ETV7: variants seen among roughly 807,000 people sequenced by gnomAD.
ETV7 encodes ETS variant transcription factor 7.
ETV7 carries 43 observed loss-of-function variants against 39.1 expected under a neutral mutation model. That is an observed-to-expected ratio of 1.10 (90% confidence interval 0.86 to 1.42). ETV7 has a LOEUF of 1.42. Ranked by LOEUF, ETV7 falls within the 40% of genes most tolerant of loss-of-function variation. The pLI is 0.00. For missense variants in ETV7, 432 were observed against 442.3 expected (o/e 0.98, Z 0.21); for synonymous variants, 196 against 176.6 (o/e 1.11, Z -0.87).
At chr6:36,369,189 G>A in intron 5 of ETV7, 118 bp from the exon 6 acceptor site, 1 of 1,159,872 alleles carries the variant, frequency 8.6e-7, no homozygotes, top group Non-Finnish European at 1.2e-6. Context: ...CAGCAGGAAG[G>A]TGAAAATGAT....
Position 36,366,592 on chromosome 6 carries a change from G to A in ETV7, c.*53C>T. Reference sequence around the variant, plus strand: ...CTGGGAGGAGGAGTCTGCCTTCATGGGAGACTCGGTCCCTGCCCCATCGGT... The same window carrying A: ...CTGGGAGGAGGAGTCTGCCTTCATGAGAGACTCGGTCCCTGCCCCATCGGT... On this transcript the variant is annotated 3_prime_UTR_variant, in exon 8 of 8. Transcript: ENST00000340181. 1 of 1,612,066 alleles carries A rather than the reference G, an allele frequency of 6.2e-7. No homozygotes were observed. The highest frequency in any genetic ancestry group is 1.7e-5 in the Admixed American group (1 of 59,950).
At chr6:36,373,430 A>C (rs1242589449) in intron 4 of ETV7, 23 bp downstream of exon 4, 1 of 1,515,854 alleles carries the variant, frequency 6.6e-7, no homozygotes, top group Non-Finnish European at 8.8e-7. Flanking sequence ...AGGTACTCCG[A>C]GCACCACAGA....
In ETV7 at chr6:36,366,668, T is replaced by A. The variant is rs765267388; in HGVS notation, c.1003A>T (p.Lys335Ter). The A allele has an allele frequency of 1.2e-6, 2 of 1,614,052 alleles. No individual in the cohort carries two copies. Among genetic ancestry groups the A allele is most frequent in the Admixed American group, 3.3e-5 (2 of 60,008 alleles). Residue 335 changes from lysine to a stop codon, truncating the protein, a stop_gained, in exon 8 of 8, where the codon AAG becomes TAG. Coordinates refer to ENST00000340181, the MANE Select transcript of ETV7 (RefSeq NM_016135.4). LOFTEE classifies it high-confidence loss of function. ...CCTCACGGAGAGATTTCTGGCCTCT[T>A]GTCCTTGAACTCTATTCTGTCCTGC... ...QEQDRIEFKD[K>*]RPEISP is the part of the protein sequence containing the mutation.
intron 2 of ETV7, among the ~76,000 whole-genome samples, chr6:36,378,240 G>A (rs7768939): frequency 0.42 from 59,251 of 140,238 alleles, 13,165 homozygotes; most frequent in Non-Finnish European, 0.51. Flanking sequence ...ATCTAATATG[G>A]AAAAAAAAAA....
downstream of ETV7, among the ~76,000 whole-genome samples, chr6:36,364,571 C>T (rs377681129): frequency 4.6e-5 from 7 of 152,364 alleles, no homozygotes; most frequent in East Asian, 3.9e-4. Flanking sequence ...TCAGCTGGCC[C>T]GCAAGCGCCG....
rs1773383341 is a variant in ETV7 at position 36,376,759 on chromosome 6, G to C, written c.143-724C>G. ...CGACTGCACTCCAGCCTGGGCGACAGAGCGAGACTCCCTCTAAAGAAAAAA... is the reference window on the plus strand; with the variant it reads ...CGACTGCACTCCAGCCTGGGCGACACAGCGAGACTCCCTCTAAAGAAAAAA... On this transcript the variant is annotated intron_variant, in intron 2 of 7. Transcript: ENST00000340181. Among the ~76,000 whole-genome samples, 3 of 145,902 alleles carry C rather than the reference G, an allele frequency of 2.1e-5. No homozygotes were observed. In the Admixed American group the frequency reaches 2.1e-4, roughly 10 times the overall value.
In ETV7 at chr6:36,366,580, T is replaced by C; in HGVS notation, c.*65A>G. 6.2e-7 allele frequency: 1 copy of C among 1,607,746 alleles called. No individual in the cohort carries two copies. The highest frequency in any genetic ancestry group is 8.5e-7 in the Non-Finnish European group (1 of 1,176,322). On this transcript the variant is annotated 3_prime_UTR_variant, in exon 8 of 8. Transcript: ENST00000340181. ...CCTGCTGCTCTGCTGGGAGGAGGAG[T>C]CTGCCTTCATGGGAGACTCGGTCCC...
At position 36,373,324 on chromosome 6, in the gene ETV7, G is replaced by A. The variant is rs1773130271; in HGVS notation, c.433+129C>T. ...CAGGAACGCCCCAGAGCAGGAGGTG[G>A]GGGTGGGGCGGGAGGGGAGCTTGCC... is the stretch of plus-strand genomic sequence containing the variant. On this transcript the variant is annotated intron_variant, in intron 4 of 7. Coordinates refer to ENST00000340181, the MANE Select transcript of ETV7 (RefSeq NM_016135.4). 6 of 1,148,070 alleles carry A rather than the reference G, an allele frequency of 5.2e-6. No homozygotes were observed. In the South Asian group the frequency reaches 1.1e-4, roughly 22 times the overall value. The allele number at this position is 1,148,070 out of a possible 1,614,324, so 71.1% of individuals were successfully genotyped here.
chr6:36,379,781 C>T lies in ETV7; in HGVS notation c.143-3746G>A, dbSNP rs147365775. On this transcript the variant is annotated intron_variant, in intron 2 of 7. Coordinates refer to ENST00000340181, the MANE Select transcript of ETV7 (RefSeq NM_016135.4). ...ATCCCAACTACTTGGGAGGCTGAGA[C>T]GGGAGAATCACTTGAACCCCAGAGG... is the stretch of plus-strand genomic sequence containing the variant. Among the ~76,000 whole-genome samples, 1,393 of 149,502 alleles carry T rather than the reference C, an allele frequency of 9.3e-3. 9 individuals carry two copies. Among genetic ancestry groups the T allele is most frequent in the Non-Finnish European group, 0.015 (1,011 of 67,568 alleles).
In ETV7 at chr6:36,371,335, A is replaced by T; in HGVS notation, c.659T>A (p.Ile220Asn). 6.3e-7 allele frequency: 1 copy of T among 1,584,604 alleles called. No individual in the cohort carries two copies. The highest frequency in any genetic ancestry group is 1.7e-4 in the Middle Eastern group (1 of 6,028). The change falls in exon 5 of 8, where the codon ATC becomes AAC. Residue 220 changes from isoleucine (I) to asparagine (N), a missense_variant. Transcript: ENST00000340181. ...AMPQAPIDGR[I>N]ADCRLLWDYV... is the part of the protein sequence containing the mutation. ...AGGAACAGCCTCCCACTCACCAGCGATCCTGCCGTCAATGGGGGCCTGCGG... is the reference window on the plus strand; with the variant it reads ...AGGAACAGCCTCCCACTCACCAGCGTTCCTGCCGTCAATGGGGGCCTGCGG...
intron 5 of ETV7, 48 bp from the exon 6 acceptor site, chr6:36,369,119 G>C: frequency 6.2e-7 from 1 of 1,608,424 alleles, no homozygotes. Flanking sequence ...TACTGGAGCT[G>C]TGAGGACAGG....
At chr6:36,383,159 C>G (rs1446603226) in intron 2 of ETV7, among the ~76,000 whole-genome samples, 2 of 152,198 alleles carry the variant, frequency 1.3e-5, no homozygotes, top group East Asian at 3.8e-4. Context: ...GCAGCTGCGT[C>G]CCCCCATAGC....
chr6:36,373,029 T>C (rs921642718), intron 4 of ETV7, among the ~76,000 whole-genome samples: 1 of 151,352 alleles, frequency 6.6e-6, no homozygotes, highest in Non-Finnish European at 1.5e-5. Flanking sequence ...GAGTGGGGTG[T>C]TCTGGAAGCC....
downstream of ETV7, among the ~76,000 whole-genome samples, chr6:36,363,003 G>A (rs1342433830): frequency 6.6e-6 from 1 of 152,182 alleles, no homozygotes; most frequent in African/African-American, 2.4e-5. Flanking sequence ...AGCTGGGCTG[G>A]GCCATGTGAT....
intron 2 of ETV7, among the ~76,000 whole-genome samples, chr6:36,383,209 T>A (rs1773737080): frequency 6.6e-6 from 1 of 152,198 alleles, no homozygotes; most frequent in Non-Finnish European, 1.5e-5. Flanking sequence ...CTCATGGCCA[T>A]GGACCGGGGA....
chr6:36,356,731 G>T (rs981128910), intron 7 of ETV7, among the ~76,000 whole-genome samples: 1 of 152,232 alleles, frequency 6.6e-6, no homozygotes, highest in Non-Finnish European at 1.5e-5. Context: ...ACACTGTGAT[G>T]GAGTAGGAAA....
chr6:36,378,452 T>G (rs577479307), intron 2 of ETV7, among the ~76,000 whole-genome samples: 2 of 152,276 alleles, frequency 1.3e-5, no homozygotes, highest in Admixed American at 6.5e-5. Flanking sequence ...GCAGAGGCTG[T>G]AATAAAAACG....
chr6:36,364,925 C>T (rs1296632010), downstream of ETV7, among the ~76,000 whole-genome samples: 2 of 152,248 alleles, frequency 1.3e-5, no homozygotes, highest in South Asian at 4.1e-4. Flanking sequence ...TGCCTGCCCC[C>T]CTGCCGGTGA....
chr6:36,360,603 G>A (rs1015922144), intron 7 of ETV7, among the ~76,000 whole-genome samples: 18 of 152,144 alleles, frequency 1.2e-4, no homozygotes, highest in Admixed American at 3.9e-4. Context: ...AGAGAAGGCA[G>A]GCTTGCTGTC....
Sources: gnomAD v4.1 joint callset for allele counts (sites outside exome capture counted in the v4.1 genomes callset) on GRCh38, gnomAD v4.1.1 for gene constraint, MANE v1.5 for transcripts, NCBI Gene and HGNC (gene_info 2026-07-23, HGNC 2026-07-21) for gene names.